Variants in ARHGEF10 observed in about 807,000 individuals in gnomAD.
The protein encoded by ARHGEF10 is Rho guanine nucleotide exchange factor 10, also known as Rho guanine nucleotide exchange factor (GEF) 10.
A neutral mutation model predicts 147.4 loss-of-function variants in ARHGEF10; 140 were observed. The observed-to-expected ratio is 0.95, with a 90% CI of 0.83 to 1.09. The LOEUF (loss-of-function observed/expected upper bound fraction) is 1.09, where lower values mean the gene tolerates loss of function less well. Among genes scored for constraint, ARHGEF10 ranks in the 50% least tolerant of loss-of-function variants. The probability of loss-of-function intolerance (pLI) is 0.00; values close to 1 mark genes in which losing one functional copy is unlikely to be tolerated. For synonymous variants in ARHGEF10, 902 were observed against 695.8 expected (o/e 1.30, Z -4.67); for missense variants, 2,222 against 1,752.7 (o/e 1.27, Z -4.78).
chr8:1,899,585 A>G (rs925087797), intron 15 of ARHGEF10, among the ~76,000 whole-genome samples: 1 of 152,210 alleles, frequency 6.6e-6, no homozygotes, highest in African/African-American at 2.4e-5. Flanking sequence ...ACATACTAAA[A>G]TATCGACATG....
intron 1 of ARHGEF10, among the ~76,000 whole-genome samples, chr8:1,826,313 G>A (rs1802764603): frequency 6.6e-6 from 1 of 152,170 alleles, no homozygotes; most frequent in Admixed American, 6.5e-5. Flanking sequence ...CCTTTCCTCT[G>A]CAGTTTGTGT....
intron 8 of ARHGEF10, among the ~76,000 whole-genome samples, chr8:1,878,988 G>A (rs564879660): frequency 8.5e-5 from 13 of 152,230 alleles, no homozygotes; most frequent in South Asian, 6.2e-4. Context: ...CAGACAGGGC[G>A]CCCGTGTGTT....
intron 25 of ARHGEF10, among the ~76,000 whole-genome samples, chr8:1,932,936 G>C (rs1195517190): frequency 6.6e-6 from 1 of 152,210 alleles, no homozygotes; most frequent in Non-Finnish European, 1.5e-5. Flanking sequence ...TTAATTAATG[G>C]TTAGACTGAG....
chr8:1,954,243 G>A (rs770040368), intron 28 of ARHGEF10, among the ~76,000 whole-genome samples: 1 of 152,016 alleles, frequency 6.6e-6, no homozygotes, highest in Non-Finnish European at 1.5e-5. Flanking sequence ...ACAGGCACCA[G>A]CCACCATGCC....
intron 15 of ARHGEF10, among the ~76,000 whole-genome samples, chr8:1,899,808 C>G (rs1810309354): frequency 6.6e-6 from 1 of 152,206 alleles, no homozygotes; most frequent in Middle Eastern, 3.2e-3. Flanking sequence ...GGCAAGCAGC[C>G]ACAGACGTGA....
chr8:1,824,560 C>CCG (rs1409848651), intron 1 of ARHGEF10, among the ~76,000 whole-genome samples: 2 of 145,650 alleles, frequency 1.4e-5, no homozygotes, highest in South Asian at 2.2e-4. Flanking sequence ...ACCTGTCCCC[C>CCG]TACCCCACCA....
chr8:1,840,643 G>C (rs543888326), intron 1 of ARHGEF10, among the ~76,000 whole-genome samples: 1 of 151,330 alleles, frequency 6.6e-6, no homozygotes, highest in Non-Finnish European at 1.5e-5. Context: ...ACTGTCCGAC[G>C]TGGGGACTGT....
intron 28 of ARHGEF10, among the ~76,000 whole-genome samples, chr8:1,953,980 G>A (rs1815274633): frequency 6.6e-6 from 1 of 152,166 alleles, no homozygotes; most frequent in Non-Finnish European, 1.5e-5. Flanking sequence ...CACCCACAAG[G>A]ATTAAGGAAT....
rs371088355 is a variant in ARHGEF10 at position 1,880,065 on chromosome 8, C to T, written c.861C>T (p.Thr287=). Residue 287 remains threonine (T), a synonymous_variant, in exon 9 of 29, where the codon ACC becomes ACT. Transcript: ENST00000349830. ...NHKKQLSHDL[T]RLKEHYEKKM... Reference sequence around the variant, plus strand: ...TGCTGTAGCTTTCTCATGACCTAACCCGTTTAAAGGAGCACTATGAGAAAA... The same window carrying T: ...TGCTGTAGCTTTCTCATGACCTAACTCGTTTAAAGGAGCACTATGAGAAAA... The T allele has an allele frequency of 3.7e-6, 6 of 1,613,170 alleles. No individual in the cohort carries two copies. The East Asian group carries it at 1.3e-4, about 36-fold the overall frequency.
intron 11 of ARHGEF10, among the ~76,000 whole-genome samples, chr8:1,891,400 C>T (rs1308104707): frequency 6.6e-6 from 1 of 152,054 alleles, no homozygotes; most frequent in Non-Finnish European, 1.5e-5. Context: ...CTTTGCATGC[C>T]TAATTTGGGG....
chr8:1,902,746 C>T (rs1249310140), intron 15 of ARHGEF10, among the ~76,000 whole-genome samples: 2 of 152,220 alleles, frequency 1.3e-5, no homozygotes, highest in African/African-American at 4.8e-5. Flanking sequence ...CGTTTAGTGA[C>T]ATGGACCCAC....
intron 2 of ARHGEF10, among the ~76,000 whole-genome samples, chr8:1,857,216 G>GT (rs1377955435): frequency 6.6e-6 from 1 of 152,168 alleles, no homozygotes; most frequent in African/African-American, 2.4e-5. Flanking sequence ...AATTAAAATT[G>GT]TAAATAAGAG....
intron 7 of ARHGEF10, among the ~76,000 whole-genome samples, chr8:1,875,264 T>C (rs1165046255): frequency 6.1e-5 from 9 of 148,260 alleles, no homozygotes; most frequent in African/African-American, 2.3e-4. Context: ...GTGTAGGGGG[T>C]GGAGGTTCTA....
chr8:1,953,030 C>T (rs1202357885), intron 28 of ARHGEF10, among the ~76,000 whole-genome samples: 3 of 152,318 alleles, frequency 2.0e-5, no homozygotes, highest in Admixed American at 6.5e-5. Context: ...CTTAGTAGTC[C>T]AAGGAGAATC....
intron 28 of ARHGEF10, among the ~76,000 whole-genome samples, chr8:1,956,314 A>G (rs895930796): frequency 2.0e-5 from 3 of 152,210 alleles, no homozygotes; most frequent in Non-Finnish European, 2.9e-5. Context: ...GAAAAATGGC[A>G]GGCAGCCGGT....
rs552330572 is a variant in ARHGEF10, at chr8:1,933,115, C to G, written c.3080-685C>G. 6.6e-5 allele frequency among the ~76,000 whole-genome samples: 10 copies of G among 152,194 alleles called. No individual in the cohort carries two copies. The East Asian group carries it at 1.9e-3, about 29-fold the overall frequency. On this transcript the variant is annotated intron_variant, in intron 25 of 28. Coordinates refer to ENST00000349830, the MANE Select transcript of ARHGEF10 (RefSeq NM_014629.4). ...TAGATCTTTGGATATATTTTCAAAC[C>G]AGAATATTTCACGACTGTCTAGGCT...
intron 2 of ARHGEF10, 99 bp downstream of exon 2, chr8:1,843,535 G>T (rs557414040): frequency 3.3e-6 from 3 of 917,660 alleles, no homozygotes; most frequent in East Asian, 5.2e-5. Context: ...GGTCACTGGG[G>T]TATGGGGTGG....
chr8:1,911,493 C>G (rs1320936947), intron 18 of ARHGEF10, among the ~76,000 whole-genome samples: 1 of 152,188 alleles, frequency 6.6e-6, no homozygotes, highest in East Asian at 1.9e-4. Flanking sequence ...CTGTATGTGT[C>G]TGAAGATAGA....
chr8:1,871,876 G>A (rs1260908131), intron 7 of ARHGEF10, among the ~76,000 whole-genome samples: 2 of 152,120 alleles, frequency 1.3e-5, no homozygotes, highest in African/African-American at 4.8e-5. Context: ...CCAGCTGCAC[G>A]AAAGAGCAGC....
Sources: gnomAD v4.1 joint callset for allele counts (sites outside exome capture counted in the v4.1 genomes callset) on GRCh38, gnomAD v4.1.1 for gene constraint, MANE v1.5 for transcripts, NCBI Gene and HGNC (gene_info 2026-07-23, HGNC 2026-07-21) for gene names.